Variants in ZFAND6 observed in about 807,000 individuals in gnomAD.
ZFAND6 encodes AN1-type zinc finger protein 6.
ZFAND6 carries 12 observed loss-of-function variants against 24.5 expected under a neutral mutation model. That is an observed-to-expected ratio of 0.49 (90% CI 0.31 to 0.79). ZFAND6 has a LOEUF of 0.79. ZFAND6 is among the 30% of genes least tolerant of loss of function. The pLI is 0.04. For missense variants in ZFAND6, 207 were observed against 245.9 expected (o/e 0.84, Z 1.06); for synonymous variants, 92 against 81.5 (o/e 1.13, Z -0.69).
intron 1 of ZFAND6, among the ~76,000 whole-genome samples, chr15:80,077,746 C>G (rs1313663924): frequency 7.5e-6 from 1 of 132,724 alleles, no homozygotes; most frequent in Non-Finnish European, 1.5e-5. Flanking sequence ...GTCACCCAGG[C>G]TGGAGCACAG....
chr15:80,134,000 T>G (rs1052335567), intron 6 of ZFAND6, among the ~76,000 whole-genome samples: 9 of 152,096 alleles, frequency 5.9e-5, no homozygotes, highest in African/African-American at 2.2e-4. Flanking sequence ...TTTTTTTTTT[T>G]TTTTGAGATG....
intron 5 of ZFAND6, among the ~76,000 whole-genome samples, chr15:80,125,347 A>G (rs1281183171): frequency 6.6e-6 from 1 of 152,216 alleles, no homozygotes; most frequent in African/African-American, 2.4e-5. Context: ...GGAAATTTAT[A>G]TAGATAGGAA....
chr15:80,094,875 A>G (rs2038625387), intron 1 of ZFAND6, among the ~76,000 whole-genome samples: 1 of 151,980 alleles, frequency 6.6e-6, no homozygotes, highest in Non-Finnish European at 1.5e-5. Flanking sequence ...CCCAGGTTCA[A>G]ATGATTCTCC....
At position 80,094,940 on chromosome 15, in the gene ZFAND6, T is replaced by G. The variant is rs969263945; in HGVS notation, c.-180-3476T>G. Among the ~76,000 whole-genome samples, 4 of 151,968 alleles carry G rather than the reference T, an allele frequency of 2.6e-5. No individual in the cohort carries two copies. In the South Asian group the frequency reaches 6.2e-4, roughly 24 times the overall value. On this transcript the variant is annotated intron_variant, in intron 1 of 6. Transcript: ENST00000261749. ...CAAGAGTGCCATCACGCCCGGCTCGTTTTTGTATTTTTAGTAGAGATGGGG... is the reference window on the plus strand; with the variant it reads ...CAAGAGTGCCATCACGCCCGGCTCGGTTTTGTATTTTTAGTAGAGATGGGG...
At chr15:80,078,456 T>A (rs1239721387) in intron 1 of ZFAND6, among the ~76,000 whole-genome samples, 1 of 152,234 alleles carries the variant, frequency 6.6e-6, no homozygotes, top group African/African-American at 2.4e-5. Flanking sequence ...TGTAGTCCAC[T>A]GTTGATGGGC....
intron 5 of ZFAND6, among the ~76,000 whole-genome samples, chr15:80,124,229 C>T (rs2040273555): frequency 6.6e-6 from 1 of 152,070 alleles, no homozygotes; most frequent in Non-Finnish European, 1.5e-5. Flanking sequence ...GTCAGGAGAT[C>T]GAGACCATCC....
chr15:80,103,740 C>A (rs1230864238), intron 2 of ZFAND6, among the ~76,000 whole-genome samples: 1 of 152,216 alleles, frequency 6.6e-6, no homozygotes, highest in East Asian at 1.9e-4. Context: ...TTCTCCCTAC[C>A]CTTTTCCTCT....
rs2040092816 is a variant in ZFAND6, at chr15:80,120,343, A to G, written c.-2A>G. ...TAATTTTCAGGTGTGCAACTGAGGA[A>G]CATGGCTCAAGAAACTAATCACAGC... On this transcript the variant is annotated 5_prime_UTR_variant, in exon 3 of 7. Coordinates refer to ENST00000261749, the MANE Select transcript of ZFAND6 (RefSeq NM_019006.4). 6.4e-7 allele frequency: 1 copy of G among 1,566,514 alleles called. No homozygotes were observed. Among genetic ancestry groups the G allele is most frequent in the Admixed American group, 1.8e-5 (1 of 54,592 alleles).
intron 1 of ZFAND6, among the ~76,000 whole-genome samples, chr15:80,063,967 C>T (rs1478927838): frequency 6.6e-6 from 1 of 152,188 alleles, no homozygotes. Context: ...GGATTACAGG[C>T]GTGAGCCACC....
chr15:80,120,153 G>A (rs1299175317), intron 2 of ZFAND6, among the ~76,000 whole-genome samples, 175 bp from the exon 3 acceptor site: 3 of 152,152 alleles, frequency 2.0e-5, no homozygotes, highest in Non-Finnish European at 4.4e-5. Context: ...AGTTCAATGT[G>A]TGTCCTTTTG....
At chr15:80,095,789 T>G (rs2038685448) in intron 1 of ZFAND6, among the ~76,000 whole-genome samples, 1 of 152,210 alleles carries the variant, frequency 6.6e-6, no homozygotes, top group South Asian at 2.1e-4. Flanking sequence ...TTTGTGTCTC[T>G]CTAACTGCCC....
At chr15:80,092,186 T>C (rs561891970) in intron 1 of ZFAND6, among the ~76,000 whole-genome samples, 1 of 151,602 alleles carries the variant, frequency 6.6e-6, no homozygotes, top group East Asian at 1.9e-4. Context: ...TTGTTGGTGG[T>C]TGGGAAAAAA....
chr15:80,095,623 T>G (rs2038673999), intron 1 of ZFAND6, among the ~76,000 whole-genome samples: 1 of 152,206 alleles, frequency 6.6e-6, no homozygotes, highest in Admixed American at 6.5e-5. Context: ...TTTAGGTATT[T>G]AATTGTAGGA....
At chr15:80,103,800 C>T (rs2039162257) in intron 2 of ZFAND6, among the ~76,000 whole-genome samples, 1 of 152,126 alleles carries the variant, frequency 6.6e-6, no homozygotes, top group Non-Finnish European at 1.5e-5. Context: ...GAGAAATAAA[C>T]TTTATGAAGG....
intron 2 of ZFAND6, among the ~76,000 whole-genome samples, chr15:80,100,912 G>T (rs1208418067): frequency 6.6e-6 from 1 of 152,110 alleles, no homozygotes; most frequent in Non-Finnish European, 1.5e-5. Context: ...GGCCTCAGTT[G>T]TGTAATCTGT....
intron 1 of ZFAND6, among the ~76,000 whole-genome samples, chr15:80,096,048 T>A (rs1203764929): frequency 6.6e-6 from 1 of 152,160 alleles, no homozygotes; most frequent in African/African-American, 2.4e-5. Context: ...GAGCACCAGG[T>A]TTTGGAGACA....
chr15:80,085,204 T>C (rs1239288467), intron 1 of ZFAND6, among the ~76,000 whole-genome samples: 2 of 152,214 alleles, frequency 1.3e-5, no homozygotes, highest in Non-Finnish European at 2.9e-5. Context: ...ATTATCTCTT[T>C]TTCTTTTCTC....
At chr15:80,122,994 A>G (rs756729074) in intron 5 of ZFAND6, 194 bp downstream of exon 5, 1 of 493,786 alleles carries the variant, frequency 2.0e-6, no homozygotes, top group Non-Finnish European at 3.6e-6. Context: ...TAATTTTATC[A>G]TCAGCATAAA....
At chr15:80,082,267 A>G (rs1008875212) in intron 1 of ZFAND6, among the ~76,000 whole-genome samples, 13 of 152,190 alleles carry the variant, frequency 8.5e-5, no homozygotes, top group African/African-American at 2.7e-4. Flanking sequence ...ATTGGACACT[A>G]TCAGACACAT....
Sources: gnomAD v4.1 joint callset for allele counts (sites outside exome capture counted in the v4.1 genomes callset) on GRCh38, gnomAD v4.1.1 for gene constraint, MANE v1.5 for transcripts, NCBI Gene and HGNC (gene_info 2026-07-23, HGNC 2026-07-21) for gene names.